DSE: variants seen among roughly 807,000 people sequenced by gnomAD.
The protein encoded by DSE is dermatan sulfate epimerase.
Under a neutral mutation model 84.4 loss-of-function variants are expected in DSE, and 36 were observed. The observed-to-expected ratio is 0.43, with a 90% CI of 0.33 to 0.56. The LOEUF (loss-of-function observed/expected upper bound fraction) is 0.56. DSE is among the 20% of genes least tolerant of loss of function. The pLI is 0.06. For missense variants in DSE, 862 were observed against 1,169.6 expected, an observed-to-expected ratio of 0.74 and a Z score of 3.84; for synonymous variants, 410 against 430.1, an observed-to-expected ratio of 0.95 and a Z score of 0.58.
chr6:116,436,262 G>A lies in DSE; in HGVS notation c.1794G>A (p.Val598=). 1 of 1,614,114 alleles carries A rather than the reference G, an allele frequency of 6.2e-7. No homozygotes were observed. Residue 598 remains valine (V), a synonymous_variant, in exon 6 of 6, where the codon GTG becomes GTA. Coordinates refer to ENST00000644252, the MANE Select transcript of DSE (RefSeq NM_013352.4). ...HNVDVPFEET[V]VDGVHGAFIR... ...TGGATGTTCCTTTTGAGGAGACTGT[G>A]GTAGATGGTGTCCATGGGGCTTTCA... is the stretch of plus-strand genomic sequence containing the variant.
chr6:116,436,474 T>C lies in DSE; in HGVS notation c.2006T>C (p.Ile669Thr), dbSNP rs886567565. The C allele has an allele frequency of 6.2e-7, 1 of 1,614,194 alleles. No individual in the cohort carries two copies. The highest frequency in any genetic ancestry group is 8.5e-7 in the Non-Finnish European group (1 of 1,180,018). The change falls in exon 6 of 6, where the codon ATA (isoleucine) becomes ACA (threonine). Residue 669 changes from isoleucine to threonine, a missense_variant. Transcript: ENST00000644252. ...RAAYLFIGPS[I>T]DVQSFTVHGD... ...GCTTACCTCTTCATAGGGCCATCTA[T>C]AGATGTTCAGAGCTTCACTGTCCAC...
chr6:116,400,440 A>T (rs922700580), intron 2 of DSE: 6 of 152,318 alleles, frequency 3.9e-5, no homozygotes, highest in Admixed American at 6.5e-5. Context: ...AAATTTTTTT[A>T]AAAAATTACA....
At chr6:116,329,050 T>C (rs534073962) in intron 2 of DSE, among the ~76,000 whole-genome samples, 6 of 152,328 alleles carry the variant, frequency 3.9e-5, no homozygotes, top group Non-Finnish European at 8.8e-5. Context: ...AAAAAACTTT[T>C]GTTGGTCTAA....
At chr6:116,419,794 C>T (rs1318793577) in intron 2 of DSE, among the ~76,000 whole-genome samples, 1 of 152,066 alleles carries the variant, frequency 6.6e-6, no homozygotes, top group Non-Finnish European at 1.5e-5. Context: ...ATTTTAAACG[C>T]AAATCTTCTA....
chr6:116,411,636 TAAATA>T (rs1285727039), intron 2 of DSE, among the ~76,000 whole-genome samples: 5 of 152,234 alleles, frequency 3.3e-5, no homozygotes, highest in Admixed American at 1.3e-4. Flanking sequence ...GAGATAAGAA[TAAATA>T]AAATCTGTAT....
chr6:116,324,581 A>G (rs558260269), intron 2 of DSE, among the ~76,000 whole-genome samples: 2 of 152,178 alleles, frequency 1.3e-5, no homozygotes, highest in Non-Finnish European at 2.9e-5. Flanking sequence ...TGGAACCTAC[A>G]TGAGATTCTG....
At chr6:116,405,187 T>C (rs1164974244) in intron 2 of DSE, among the ~76,000 whole-genome samples, 1 of 152,206 alleles carries the variant, frequency 6.6e-6, no homozygotes, top group Non-Finnish European at 1.5e-5. Context: ...CCTGCCTTGC[T>C]CAGCATTGCC....
chr6:116,376,291 G>C (rs1779925425), intron 1 of DSE, among the ~76,000 whole-genome samples: 2 of 152,300 alleles, frequency 1.3e-5, no homozygotes, highest in South Asian at 4.1e-4. Flanking sequence ...GTTCTCATTA[G>C]CTGGCTTCAG....
chr6:116,297,789 T>G (rs1300189453), intron 2 of DSE, among the ~76,000 whole-genome samples: 5 of 152,192 alleles, frequency 3.3e-5, no homozygotes, highest in African/African-American at 1.2e-4. Context: ...CTTTGCCATG[T>G]TAGGGGATGT....
intron 1 of DSE, among the ~76,000 whole-genome samples, chr6:116,374,992 A>G (rs915719222): frequency 1.3e-5 from 2 of 152,196 alleles, no homozygotes; most frequent in East Asian, 3.8e-4. Flanking sequence ...ATCTTCCCCT[A>G]TAGTGATTGC....
intron 5 of DSE, among the ~76,000 whole-genome samples, chr6:116,433,818 G>A (rs1237412655): frequency 6.6e-6 from 1 of 152,066 alleles, no homozygotes; most frequent in Non-Finnish European, 1.5e-5. Context: ...TACCTAATAG[G>A]TAGTGTTAGA....
At position 116,431,021 on chromosome 6, in the gene DSE, G is replaced by T; in HGVS notation, c.738G>T (p.Leu246Phe). 6.2e-7 allele frequency: 1 copy of T among 1,614,148 alleles called. No individual in the cohort carries two copies. Among genetic ancestry groups the T allele is most frequent in the South Asian group, 1.1e-5 (1 of 91,086 alleles). ...VLTIMEKSLVLLREVTDGSLY... is the reference protein window; with the variant it reads ...VLTIMEKSLVFLREVTDGSLY... ...CCATCATGGAGAAATCTCTGGTCTT[G>T]CTCAGGGAGGTGACGGATGGCTCCC... Residue 246 changes from leucine to phenylalanine, a missense_variant, in exon 4 of 6, where the codon TTG (leucine) becomes TTT (phenylalanine). Coordinates refer to ENST00000644252, the MANE Select transcript of DSE (RefSeq NM_013352.4).
chr6:116,270,892 C>A (rs1364534302), intron 2 of DSE, among the ~76,000 whole-genome samples: 1 of 152,208 alleles, frequency 6.6e-6, no homozygotes, highest in Non-Finnish European at 1.5e-5. Context: ...TAATACACTT[C>A]TCTTTCCTGA....
chr6:116,311,359 A>G (rs1775684295), intron 2 of DSE, among the ~76,000 whole-genome samples: 1 of 152,210 alleles, frequency 6.6e-6, no homozygotes, highest in Non-Finnish European at 1.5e-5. Flanking sequence ...TGTATCTCTA[A>G]TGCCCAGAAC....
chr6:116,413,153 G>C (rs1782489580), intron 2 of DSE, among the ~76,000 whole-genome samples: 1 of 152,102 alleles, frequency 6.6e-6, no homozygotes, highest in East Asian at 1.9e-4. Context: ...TAGTGCAGTG[G>C]ACGCACAAGC....
At chr6:116,409,453 A>AT (rs34479513) in intron 2 of DSE, among the ~76,000 whole-genome samples, 3 of 151,576 alleles carry the variant, frequency 2.0e-5, no homozygotes, top group Admixed American at 6.6e-5. Context: ...AATTTTTTGT[A>AT]TTTTTTTAGT....
At chr6:116,386,072 A>G (rs1034432239) in intron 1 of DSE, among the ~76,000 whole-genome samples, 1 of 152,206 alleles carries the variant, frequency 6.6e-6, no homozygotes, top group Admixed American at 6.5e-5. Context: ...CATTTTTGGA[A>G]TATTCCCAAA....
intron 2 of DSE, among the ~76,000 whole-genome samples, chr6:116,296,835 G>A (rs565219502): frequency 1.3e-4 from 20 of 152,220 alleles, no homozygotes; most frequent in African/African-American, 4.8e-4. Flanking sequence ...TAGGGTGAGG[G>A]TAGGGTGAAT....
intron 2 of DSE, among the ~76,000 whole-genome samples, chr6:116,315,654 A>G (rs944186138): frequency 6.6e-6 from 1 of 152,204 alleles, no homozygotes; most frequent in African/African-American, 2.4e-5. Flanking sequence ...ATGGCTTCCA[A>G]GCCATGGTTC....
Sources: gnomAD v4.1 joint callset for allele counts (sites outside exome capture counted in the v4.1 genomes callset) on GRCh38, gnomAD v4.1.1 for gene constraint, MANE v1.5 for transcripts, NCBI Gene and HGNC (gene_info 2026-07-23, HGNC 2026-07-21) for gene names.